Variants in BRINP3 observed in about 807,000 individuals in gnomAD.
BRINP3 encodes BMP/retinoic acid inducible neural specific 3.
In BRINP3, 19 loss-of-function variants were observed where a neutral mutation model predicts 71.0. The ratio of observed to expected loss-of-function variants is 0.27; its 90% CI spans 0.19 to 0.39. BRINP3 has a LOEUF of 0.39. Ranked by LOEUF, BRINP3 falls within the 10% of genes least tolerant of loss-of-function variation. BRINP3 has a pLI of 1.00. For synonymous variants in BRINP3, 380 were observed against 337.7 expected (o/e 1.13, Z -1.37); for missense variants, 959 against 940.8 (o/e 1.02, Z -0.25).
Position 190,419,690 on chromosome 1 carries a change from T to TACACACACAC in BRINP3, c.236+34955_236+34964dup, listed in dbSNP as rs5779528. On this transcript the variant is annotated intron_variant, in intron 2 of 7. Coordinates refer to ENST00000367462, the MANE Select transcript of BRINP3 (RefSeq NM_199051.3). ...AACGTTATATTCACATATACATTTA[T>TACACACACAC]ACACACACACACACACACACACACA... Among the ~76,000 whole-genome samples, 600 of 148,450 alleles carry TACACACACAC rather than the reference T, an allele frequency of 4.0e-3. 3 individuals carry two copies. Among genetic ancestry groups the TACACACACAC allele is most frequent in the African/African-American group, 7.5e-3 (303 of 40,484 alleles).
At chr1:190,252,375 A>C (rs1422857009) in intron 4 of BRINP3, among the ~76,000 whole-genome samples, 1 of 152,092 alleles carries the variant, frequency 6.6e-6, no homozygotes. Flanking sequence ...GTGTTGTTAA[A>C]AATAAGGTAT....
At chr1:190,355,612 A>T (rs1225394702) in intron 2 of BRINP3, among the ~76,000 whole-genome samples, 1 of 151,870 alleles carries the variant, frequency 6.6e-6, no homozygotes, top group African/African-American at 2.4e-5. Context: ...AATTTTTCTT[A>T]ATTTTTTAAT....
At chr1:190,186,018 G>T (rs1019150046) in intron 6 of BRINP3, among the ~76,000 whole-genome samples, 2 of 151,952 alleles carry the variant, frequency 1.3e-5, no homozygotes, top group South Asian at 4.1e-4. Context: ...AAATATCCCT[G>T]TGTATCCCAT....
At chr1:190,325,994 G>A (rs1024828115) in intron 2 of BRINP3, among the ~76,000 whole-genome samples, 2 of 151,950 alleles carry the variant, frequency 1.3e-5, no homozygotes, top group Non-Finnish European at 2.9e-5. Flanking sequence ...TTGCAAGGAA[G>A]CTCAATGAGA....
intron 2 of BRINP3, among the ~76,000 whole-genome samples, chr1:190,347,739 A>T (rs1194361398): frequency 6.6e-6 from 1 of 152,154 alleles, no homozygotes; most frequent in Non-Finnish European, 1.5e-5. Context: ...CATAAGGATC[A>T]TTGAAGTCTT....
In BRINP3 at chr1:190,308,413, T is replaced by C. The variant is rs768869279; in HGVS notation, c.237-26663A>G. ...ATGATGGTTTCCAGCTTCATCCTTG[T>C]CTCCACAAAGGAGGTGGGAATTGAA... On this transcript the variant is annotated intron_variant, in intron 2 of 7. Coordinates refer to ENST00000367462, the MANE Select transcript of BRINP3 (RefSeq NM_199051.3). Among the ~76,000 whole-genome samples, 4 of 151,066 alleles carry C rather than the reference T, an allele frequency of 2.6e-5. No individual in the cohort carries two copies. The East Asian group carries it at 7.8e-4, about 30-fold the overall frequency.
intron 6 of BRINP3, among the ~76,000 whole-genome samples, chr1:190,188,548 A>G (rs1344868194): frequency 6.6e-6 from 1 of 152,140 alleles, no homozygotes; most frequent in Non-Finnish European, 1.5e-5. Flanking sequence ...ATACCTTATT[A>G]GTTGAGAGCT....
intron 1 of BRINP3, among the ~76,000 whole-genome samples, chr1:190,469,336 A>G (rs1399495384): frequency 2.0e-5 from 3 of 151,028 alleles, no homozygotes; most frequent in African/African-American, 7.3e-5. Flanking sequence ...GAATAATAAG[A>G]AATTCTATTA....
chr1:190,305,256 T>C (rs1665014025), intron 2 of BRINP3, among the ~76,000 whole-genome samples: 1 of 151,904 alleles, frequency 6.6e-6, no homozygotes, highest in African/African-American at 2.4e-5. Flanking sequence ...CCTGGGTAAC[T>C]ATCTGAATGA....
At position 190,338,241 on chromosome 1, in the gene BRINP3, A is replaced by G. The variant is rs375749017; in HGVS notation, c.237-56491T>C. Among the ~76,000 whole-genome samples, 18 of 152,220 alleles carry G rather than the reference A, an allele frequency of 1.2e-4. No individual in the cohort carries two copies. In the South Asian group the frequency reaches 3.7e-3, roughly 32 times the overall value. ...TAGTATCTAAAGCTAGTAGGAAACT[A>G]AATAGAGCAGACTATCTAAGCCTAG... is the stretch of plus-strand genomic sequence containing the variant. On this transcript the variant is annotated intron_variant, in intron 2 of 7. Coordinates refer to ENST00000367462, the MANE Select transcript of BRINP3 (RefSeq NM_199051.3).
In BRINP3 at chr1:190,265,042, G is replaced by A; in HGVS notation, c.441C>T (p.Leu147=). The change falls in exon 4 of 8, where the codon CTC becomes CTT. Residue 147 remains leucine, a synonymous_variant. Coordinates refer to ENST00000367462, the MANE Select transcript of BRINP3 (RefSeq NM_199051.3). ...ACTTCCGCTTGTCCACAAAAATTGT[G>A]AGTGACTCCTCTCCTGCATTAATAA... ...LSATLGGEES[L]TIFVDKRKLS... The A allele has an allele frequency of 6.2e-7, 1 of 1,605,730 alleles. No individual in the cohort carries two copies. The highest frequency in any genetic ancestry group is 8.5e-7 in the Non-Finnish European group (1 of 1,177,194).
chr1:190,355,084 G>A (rs577228401), intron 2 of BRINP3, among the ~76,000 whole-genome samples: 8 of 151,836 alleles, frequency 5.3e-5, no homozygotes, highest in East Asian at 3.9e-4. Context: ...AATCATATAT[G>A]AGTATCTAAT....
At chr1:190,239,035 C>T (rs1658801834) in intron 4 of BRINP3, among the ~76,000 whole-genome samples, 1 of 152,132 alleles carries the variant, frequency 6.6e-6, no homozygotes, top group African/African-American at 2.4e-5. Context: ...ACATGTCTTA[C>T]ATGGTGGCAG....
intron 6 of BRINP3, among the ~76,000 whole-genome samples, chr1:190,206,563 C>A (rs981996098): frequency 6.6e-6 from 1 of 152,020 alleles, no homozygotes; most frequent in African/African-American, 2.4e-5. Context: ...AAGAATTGTT[C>A]CTCACAACTC....
intron 2 of BRINP3, among the ~76,000 whole-genome samples, chr1:190,359,053 C>T (rs2102103624): frequency 6.6e-6 from 1 of 151,926 alleles, no homozygotes; most frequent in African/African-American, 2.4e-5. Flanking sequence ...TGAAGTATAC[C>T]TAATGTAAAT....
chr1:190,116,333 G>A (rs1027012621), intron 7 of BRINP3, among the ~76,000 whole-genome samples: 6 of 152,050 alleles, frequency 3.9e-5, no homozygotes, highest in African/African-American at 1.4e-4. Context: ...CAAATAATGT[G>A]TTATTCCGGC....
intron 6 of BRINP3, among the ~76,000 whole-genome samples, chr1:190,210,574 C>G (rs1029233131): frequency 3.9e-5 from 6 of 152,004 alleles, no homozygotes; most frequent in Non-Finnish European, 7.4e-5. Context: ...ATTCTATCAT[C>G]TTATTATGAA....
chr1:190,125,261 C>A (rs1571769605), intron 7 of BRINP3, among the ~76,000 whole-genome samples: 1 of 151,504 alleles, frequency 6.6e-6, no homozygotes, highest in East Asian at 1.9e-4. Flanking sequence ...GTGAACATGT[C>A]TATATATGCC....
intron 2 of BRINP3, among the ~76,000 whole-genome samples, chr1:190,290,469 G>A (rs1205531026): frequency 1.3e-5 from 2 of 152,012 alleles, no homozygotes; most frequent in Non-Finnish European, 2.9e-5. Flanking sequence ...TCTTTTATGG[G>A]CGAAATAAAT....
Sources: allele counts gnomAD v4.1 joint callset (sites outside exome capture counted in the v4.1 genomes callset), GRCh38; gene constraint gnomAD v4.1.1; transcripts MANE v1.5; gene names NCBI Gene and HGNC (gene_info 2026-07-23, HGNC 2026-07-21).